METTL15: variants seen among roughly 807,000 people sequenced by gnomAD.
METTL15 encodes the protein 12S rRNA N(4)-cytidine methyltransferase METTL15.
In METTL15, 34 loss-of-function variants were observed where a neutral mutation model predicts 38.3. That is an observed-to-expected ratio of 0.89 (90% CI 0.68 to 1.18). The LOEUF (loss-of-function observed/expected upper bound fraction) is 1.18, where lower values mean the gene tolerates loss of function less well. METTL15 is among the 50% of genes most tolerant of loss of function. METTL15 has a pLI of 0.00. For missense variants in METTL15, 438 were observed against 498.4 expected, an observed-to-expected ratio of 0.88 and a Z score of 1.15; for synonymous variants, 162 against 170.9, an observed-to-expected ratio of 0.95 and a Z score of 0.41.
chr11:28,221,473 T>C (rs1171477561), intron 4 of METTL15, among the ~76,000 whole-genome samples: 1 of 152,180 alleles, frequency 6.6e-6, no homozygotes, highest in Non-Finnish European at 1.5e-5. Flanking sequence ...TAATTTTTTT[T>C]CAAGGTTTTT....
intron 6 of METTL15, among the ~76,000 whole-genome samples, chr11:28,495,104 G>A (rs1021451454): frequency 6.6e-6 from 1 of 152,152 alleles, no homozygotes. Context: ...ATCAGTTATT[G>A]TGTTAAATTT....
chr11:28,152,426 G>T (rs2133689444), intron 3 of METTL15, among the ~76,000 whole-genome samples: 1 of 151,832 alleles, frequency 6.6e-6, no homozygotes, highest in East Asian at 1.9e-4. Flanking sequence ...AAAGGAATTT[G>T]TTTATGTATT....
chr11:28,127,297 A>G (rs1302153082), intron 3 of METTL15, among the ~76,000 whole-genome samples: 2 of 152,138 alleles, frequency 1.3e-5, no homozygotes, highest in African/African-American at 2.4e-5. Flanking sequence ...TAAAAAGCAT[A>G]GGACAAAGCT....
At chr11:28,399,078 A>C (rs759633981) in intron 5 of METTL15, 1 of 152,126 alleles carries the variant, frequency 6.6e-6, no homozygotes, top group African/African-American at 2.4e-5. Context: ...CCAAAACAGC[A>C]TAATACTGGT....
intron 3 of METTL15, among the ~76,000 whole-genome samples, chr11:28,189,759 T>C (rs1490439860): frequency 6.6e-6 from 1 of 151,248 alleles, no homozygotes; most frequent in Non-Finnish European, 1.5e-5. Flanking sequence ...TCTCACATTT[T>C]GTAAAATTTC....
chr11:28,313,325 A>G (rs1251123133), intron 6 of METTL15, among the ~76,000 whole-genome samples: 1 of 152,074 alleles, frequency 6.6e-6, no homozygotes, highest in Non-Finnish European at 1.5e-5. Context: ...TAAAATCTAC[A>G]TCACAAACAC....
At chr11:28,502,973 G>T (rs117706802) in intron 6 of METTL15, among the ~76,000 whole-genome samples, 54 of 152,300 alleles carry the variant, frequency 3.5e-4, no homozygotes, top group Admixed American at 8.5e-4. Context: ...AAGTTATGCT[G>T]TAGTAACTCT....
chr11:28,431,227 T>G (rs1359544063), intron 6 of METTL15, among the ~76,000 whole-genome samples: 2 of 140,412 alleles, frequency 1.4e-5, no homozygotes, highest in African/African-American at 2.5e-5. Context: ...CGGCCGCCCC[T>G]ACTGGGAAGT....
At chr11:28,356,675 C>T (rs1850092696) in intron 4 of METTL15, among the ~76,000 whole-genome samples, 1 of 152,166 alleles carries the variant, frequency 6.6e-6, no homozygotes, top group African/African-American at 2.4e-5. Context: ...TTTGGCAAAA[C>T]ATTTTCAGAC....
intron 6 of METTL15, among the ~76,000 whole-genome samples, chr11:28,322,582 T>C (rs1421415764): frequency 6.6e-6 from 1 of 152,132 alleles, no homozygotes; most frequent in Non-Finnish European, 1.5e-5. Flanking sequence ...GTATAATCTA[T>C]TTAGAGAGTA....
intron 5 of METTL15, among the ~76,000 whole-genome samples, chr11:28,387,741 A>T (rs1428527837): frequency 6.6e-6 from 1 of 152,138 alleles, no homozygotes; most frequent in Non-Finnish European, 1.5e-5. Context: ...AGATGCTGTA[A>T]GAAAAGAAAA....
intron 3 of METTL15, among the ~76,000 whole-genome samples, chr11:28,180,345 G>A (rs536772542): frequency 6.6e-6 from 1 of 151,870 alleles, no homozygotes; most frequent in African/African-American, 2.4e-5. Flanking sequence ...CAGCAGAAGC[G>A]AATTAAAAAT....
intron 4 of METTL15, among the ~76,000 whole-genome samples, chr11:28,253,232 C>G (rs1302442841): frequency 5.9e-5 from 9 of 152,140 alleles, no homozygotes; most frequent in Non-Finnish European, 8.8e-5. Flanking sequence ...TCCTTTTCAC[C>G]TCCATCCTCC....
chr11:28,288,743 C>T (rs926990456), intron 4 of METTL15, among the ~76,000 whole-genome samples: 38 of 151,976 alleles, frequency 2.5e-4, no homozygotes, highest in African/African-American at 9.2e-4. Flanking sequence ...GATGAAATAA[C>T]CTGTACAATA....
chr11:28,406,788 T>G (rs940931203), intron 5 of METTL15, among the ~76,000 whole-genome samples: 1 of 152,186 alleles, frequency 6.6e-6, no homozygotes, highest in African/African-American at 2.4e-5. Context: ...TGGTTCCAGC[T>G]TTTGCCCATT....
At chr11:28,318,466 G>A (rs934926832) in intron 6 of METTL15, among the ~76,000 whole-genome samples, 2 of 152,100 alleles carry the variant, frequency 1.3e-5, no homozygotes, top group African/African-American at 4.8e-5. Context: ...ATTCTAGGCC[G>A]AAGGAACGGT....
At position 28,275,642 on chromosome 11, in the gene METTL15, CA is replaced by C. The variant is rs34145059; in HGVS notation, c.408-14550del. 4.5e-3 allele frequency among the ~76,000 whole-genome samples: 626 copies of C among 138,796 alleles called. 6 individuals are homozygous for C. The highest frequency in any genetic ancestry group is 0.013 in the African/African-American group (488 of 38,598). 91.1% of individuals were successfully genotyped at this position (138,796 alleles called of 152,430 possible). A position where few individuals can be genotyped will look rare whatever the true frequency, so the allele number is the denominator to read the frequency against. On this transcript the variant is annotated intron_variant, in intron 4 of 6. Coordinates refer to ENST00000407364, the MANE Select transcript of METTL15 (RefSeq NM_001113528.2). ...TGACGTCAAAACCAGACAAAGATAC[CA>C]AAAAAAAAAAAAAGTCTACAGGCCA...
chr11:28,433,171 TG>T (rs60971145), intron 6 of METTL15, among the ~76,000 whole-genome samples: 51,930 of 140,728 alleles, frequency 0.37, 10,776 homozygotes, highest in Non-Finnish European at 0.48. Context: ...TTGTTTTTTT[TG>T]TTTTTTTTTG....
intron 6 of METTL15, among the ~76,000 whole-genome samples, chr11:28,297,915 A>T (rs1856794720): frequency 6.6e-6 from 1 of 152,114 alleles, no homozygotes; most frequent in Non-Finnish European, 1.5e-5. Flanking sequence ...AGTAAAACTT[A>T]ATTATAAATT....
Sources: allele counts gnomAD v4.1 joint callset (sites outside exome capture counted in the v4.1 genomes callset), GRCh38; gene constraint gnomAD v4.1.1; transcripts MANE v1.5; gene names NCBI Gene and HGNC (gene_info 2026-07-23, HGNC 2026-07-21).